Variants in ANKAR observed in about 807,000 individuals in gnomAD.
ANKAR encodes the protein ankyrin and armadillo repeat-containing protein.
A neutral mutation model predicts 146.2 loss-of-function variants in ANKAR; 136 were observed. The ratio of observed to expected loss-of-function variants is 0.93; its 90% CI spans 0.81 to 1.07. The LOEUF (loss-of-function observed/expected upper bound fraction) is 1.07, where lower values mean the gene tolerates loss of function less well. Among genes scored for constraint, ANKAR ranks in the 50% least tolerant of loss-of-function variants. The pLI is 0.00. For missense variants in ANKAR, 1,567 were observed against 1,679.9 expected (o/e 0.93, Z 1.18); for synonymous variants, 500 against 575.8 (o/e 0.87, Z 1.88).
chr2:189,754,164 A>G, intron 18 of ANKAR: 1 of 1,613,468 alleles, frequency 6.2e-7, no homozygotes, highest in Non-Finnish European at 8.5e-7. Flanking sequence ...CTTTTTCATT[A>G]TTATTTTATC....
At chr2:189,743,563 T>C in intron 21 of ANKAR, 89 bp downstream of exon 21, 1 of 1,167,242 alleles carries the variant, frequency 8.6e-7, no homozygotes, top group Non-Finnish European at 1.2e-6. Flanking sequence ...AGAGGAACTA[T>C]TCTTGATATG....
chr2:189,752,095 G>T (rs1340514663), intron 18 of ANKAR, among the ~76,000 whole-genome samples: 1 of 151,330 alleles, frequency 6.6e-6, no homozygotes, highest in African/African-American at 2.4e-5. Context: ...AGTGAGCCGA[G>T]AATGCGCCAC....
chr2:189,754,396 G>A (rs904829521), intron 18 of ANKAR: 72 of 1,457,112 alleles, frequency 4.9e-5, no homozygotes, highest in South Asian at 1.7e-4. Context: ...ACTGTGAAAC[G>A]AAAAGATGCA....
chr2:189,688,398 C>T (rs1459125195), intron 2 of ANKAR, among the ~76,000 whole-genome samples: 1 of 152,120 alleles, frequency 6.6e-6, no homozygotes, highest in Non-Finnish European at 1.5e-5. Flanking sequence ...AATGTAATTC[C>T]TCCAGTTTTG....
At chr2:189,709,707 A>C (rs765312256) in intron 9 of ANKAR, among the ~76,000 whole-genome samples, 25 of 152,232 alleles carry the variant, frequency 1.6e-4, no homozygotes, top group Non-Finnish European at 2.2e-4. Flanking sequence ...CTGGGAACAT[A>C]TCCCAGATAC....
chr2:189,728,935 G>A, intron 15 of ANKAR, 114 bp downstream of exon 15: 3 of 975,902 alleles, frequency 3.1e-6, no homozygotes, highest in Non-Finnish European at 4.4e-6. Flanking sequence ...AGCCCTAAAT[G>A]GTATTTAATG....
intron 17 of ANKAR, among the ~76,000 whole-genome samples, chr2:189,736,887 A>C (rs1053536348): frequency 1.3e-5 from 2 of 151,924 alleles, no homozygotes; most frequent in African/African-American, 4.8e-5. Flanking sequence ...AGCCTGGGCA[A>C]CATAGCAAAA....
At chr2:189,755,057 A>T in intron 18 of ANKAR, 3 of 1,247,220 alleles carry the variant, frequency 2.4e-6, no homozygotes, top group Non-Finnish European at 2.2e-6. Context: ...AATTTTTTTC[A>T]GTTTACTAAG....
chr2:189,754,117 C>T lies in ANKAR; in HGVS notation c.*585-6981C>T, dbSNP rs374805927. The stretch of plus-strand genomic sequence containing the variant: ...CACAATCCAGGAATATTTATCTGTT[C>T]AACTTTACTAATTAGAAATATACCT... On this transcript the variant is annotated intron_variant and NMD_transcript_variant, in intron 18 of 18. Transcript: ENST00000441800. 6 of 1,611,620 alleles carry T rather than the reference C, an allele frequency of 3.7e-6. No individual in the cohort carries two copies. The African/African-American group carries it at 6.7e-5, about 18-fold the overall frequency.
At chr2:189,754,212 T>G in intron 18 of ANKAR, 1 of 1,613,886 alleles carries the variant, frequency 6.2e-7, no homozygotes, top group Non-Finnish European at 8.5e-7. Context: ...AAAATCACAA[T>G]TTTTAGCATG....
chr2:189,741,303 A>C, intron 19 of ANKAR, 39 bp from the exon 20 acceptor site: 1 of 1,470,052 alleles, frequency 6.8e-7, no homozygotes, highest in African/African-American at 1.4e-5. Flanking sequence ...AGTTTATATC[A>C]ATTAAATAAC....
At position 189,728,265 on chromosome 2, in the gene ANKAR, AG is replaced by A. The variant is rs755098142; in HGVS notation, c.2878del. On this transcript the variant is annotated splice_acceptor_variant, in intron 13 of 22. Transcript: ENST00000684021. LOFTEE classifies it high-confidence loss of function. ...GAATTAATGAAATATTTTTAAAAAT[AG>A]GCATTTCAAATAGATGTTAAGGAAC... is the stretch of plus-strand genomic sequence containing the variant. 6.3e-7 allele frequency: 1 copy of A among 1,586,162 alleles called. No individual in the cohort carries two copies. The highest frequency in any genetic ancestry group is 8.5e-7 in the Non-Finnish European group (1 of 1,171,988).
intron 20 of ANKAR, 27 bp from the exon 21 acceptor site, chr2:189,743,248 T>A: frequency 1.9e-6 from 3 of 1,603,962 alleles, no homozygotes; most frequent in Non-Finnish European, 2.6e-6. Flanking sequence ...AGCCCACTGG[T>A]TAAGAAAGAA....
downstream of ANKAR, among the ~76,000 whole-genome samples, chr2:189,761,981 A>G (rs1032358186): frequency 1.8e-4 from 28 of 152,340 alleles, 1 homozygote; most frequent in South Asian, 4.8e-3. Context: ...ATTTTTTGAC[A>G]GCTAAAATTA....
chr2:189,762,941 A>C, downstream of ANKAR: 1 of 985,362 alleles, frequency 1.0e-6, no homozygotes, highest in Non-Finnish European at 1.2e-6. Flanking sequence ...AGGTGATGAG[A>C]GTTCTGTAAA....
At chr2:189,706,484 A>G (rs1056339286) in intron 8 of ANKAR, among the ~76,000 whole-genome samples, 2 of 152,184 alleles carry the variant, frequency 1.3e-5, no homozygotes, top group East Asian at 1.9e-4. Context: ...AAAATCAGAT[A>G]ATGGGTTTTC....
intron 21 of ANKAR, among the ~76,000 whole-genome samples, chr2:189,744,403 G>A (rs1215495640): frequency 6.6e-6 from 1 of 152,184 alleles, no homozygotes; most frequent in Non-Finnish European, 1.5e-5. Context: ...CACTCCCACA[G>A]CTAGCCCATG....
chr2:189,676,634 T>G lies in ANKAR; in HGVS notation c.144T>G (p.Thr48=). The G allele has an allele frequency of 6.2e-7, 1 of 1,614,188 alleles. No homozygotes were observed. Among genetic ancestry groups the G allele is most frequent in the South Asian group, 1.1e-5 (1 of 91,090 alleles). ...GGAGTGAAATACAAGAGTTACTAACTACTGCACTAGTTAGCTGGTTGTCTG... is the reference window on the plus strand; with the variant it reads ...GGAGTGAAATACAAGAGTTACTAACGACTGCACTAGTTAGCTGGTTGTCTG... ...YDRSEIQELL[T]TALVSWLSAK... The change falls in exon 2 of 23, where the codon ACT becomes ACG. Residue 48 remains threonine, a synonymous_variant. Coordinates refer to ENST00000684021, the MANE Select transcript of ANKAR (RefSeq NM_001378068.1).
chr2:189,695,023 A>C lies in ANKAR; in HGVS notation c.1350A>C (p.Gln450His), dbSNP rs750261011. ...TTGAACTAGAAACTTTCTATCAGCA[A>C]CTATATAAGACACAGTGGTGGGGAG... ...IYFELETFYQ[Q>H]LYKTQWWGAI... The change falls in exon 6 of 23, where the codon CAA (glutamine) becomes CAC (histidine). Residue 450 changes from glutamine (Q) to histidine (H), a missense_variant. Physicochemically the swap from Gln to His is conservative, Grantham distance 24. Transcript: ENST00000684021. The C allele has an allele frequency of 1.3e-6, 2 of 1,567,602 alleles. No homozygotes were observed. Among genetic ancestry groups the C allele is most frequent in the South Asian group, 2.5e-5 (2 of 79,800 alleles).
Sources: gnomAD v4.1 joint callset for allele counts (sites outside exome capture counted in the v4.1 genomes callset) on GRCh38, gnomAD v4.1.1 for gene constraint, MANE v1.5 for transcripts, NCBI Gene and HGNC (gene_info 2026-07-23, HGNC 2026-07-21) for gene names.